EEPD1: variants seen among roughly 807,000 people sequenced by gnomAD.
EEPD1 encodes endonuclease/exonuclease/phosphatase family domain-containing protein 1.
Under a neutral mutation model 46.3 loss-of-function variants are expected in EEPD1, and 17 were observed. The observed-to-expected ratio is 0.37, with a 90% CI of 0.25 to 0.55. The LOEUF is 0.55. Among genes scored for constraint, EEPD1 ranks in the 20% least tolerant of loss-of-function variants. The pLI, the probability that EEPD1 is intolerant of heterozygous loss-of-function variation, is 0.83. For synonymous variants in EEPD1, 313 were observed against 315.6 expected, an observed-to-expected ratio of 0.99 and a Z score of 0.09; for missense variants, 673 against 745.6, an observed-to-expected ratio of 0.90 and a Z score of 1.13.
At chr7:36,196,370 C>T (rs1785584445) in intron 2 of EEPD1, among the ~76,000 whole-genome samples, 1 of 151,912 alleles carries the variant, frequency 6.6e-6, no homozygotes, top group African/African-American at 2.4e-5. Flanking sequence ...AATCTTTCAG[C>T]TCGTCTCCCG....
In EEPD1 at chr7:36,269,305, GA is replaced by G. The variant is rs367699552; in HGVS notation, c.931-11803del. Among the ~76,000 whole-genome samples the G allele has an allele frequency of 1.4e-4, 21 of 152,202 alleles. No individual in the cohort carries two copies. The East Asian group carries it at 3.7e-3, about 27-fold the overall frequency. On this transcript the variant is annotated intron_variant, in intron 3 of 7. Transcript: ENST00000242108. The stretch of plus-strand genomic sequence containing the variant: ...AGGTGAGGACTATTTGTCTTCAGAT[GA>G]AAAAAACTAAGCTATTTATGAAGAC...
At chr7:36,291,833 C>G (rs1787445479) in intron 6 of EEPD1, among the ~76,000 whole-genome samples, 1 of 152,216 alleles carries the variant, frequency 6.6e-6, no homozygotes, top group Admixed American at 6.5e-5. Flanking sequence ...AATGCCACCT[C>G]CTGCTGTGGG....
chr7:36,286,668 C>G (rs1052774082), intron 5 of EEPD1, among the ~76,000 whole-genome samples: 1 of 152,208 alleles, frequency 6.6e-6, no homozygotes, highest in African/African-American at 2.4e-5. Context: ...AAGTCAGCAT[C>G]TGGCTATAGT....
At chr7:36,221,623 C>T (rs772217111) in intron 2 of EEPD1, among the ~76,000 whole-genome samples, 3 of 152,054 alleles carry the variant, frequency 2.0e-5, no homozygotes, top group Admixed American at 6.6e-5. Flanking sequence ...TCATTTAGAT[C>T]CTGTTTTTTT....
At position 36,242,811 on chromosome 7, in the gene EEPD1, C is replaced by T. The variant is rs116312163; in HGVS notation, c.930+3775C>T. On this transcript the variant is annotated intron_variant, in intron 3 of 7. Coordinates refer to ENST00000242108, the MANE Select transcript of EEPD1 (RefSeq NM_030636.3). The stretch of plus-strand genomic sequence containing the variant: ...AAGCCAGGTGTGGTGGCAGGTGCCT[C>T]CCAGCTAATCAGGAGGCTGAGGCAG... 5.6e-3 allele frequency among the ~76,000 whole-genome samples: 844 copies of T among 151,188 alleles called. 5 individuals carry two copies. Among genetic ancestry groups the T allele is most frequent in the African/African-American group, 0.02 (803 of 41,166 alleles).
At chr7:36,228,893 T>A (rs1786273421) in intron 2 of EEPD1, 1 of 152,256 alleles carries the variant, frequency 6.6e-6, no homozygotes. Flanking sequence ...TTAATAGGTT[T>A]GTCACAGAGA....
chr7:36,298,821 A>T lies in EEPD1; in HGVS notation c.1511-186A>T, dbSNP rs1173889115. 2.0e-5 allele frequency among the ~76,000 whole-genome samples: 3 copies of T among 152,334 alleles called. No homozygotes were observed. In the East Asian group the frequency reaches 5.8e-4, roughly 29 times the overall value. Reference sequence around the variant, plus strand: ...GCAGAAACTCTCCTTTATGTGGAAAATCAAACTGGCCGAGACCTTTAATAT... The same window carrying T: ...GCAGAAACTCTCCTTTATGTGGAAATTCAAACTGGCCGAGACCTTTAATAT... On this transcript the variant is annotated intron_variant, in intron 7 of 7. Coordinates refer to ENST00000242108, the MANE Select transcript of EEPD1 (RefSeq NM_030636.3).
At chr7:36,267,719 C>T (rs919452579) in intron 3 of EEPD1, among the ~76,000 whole-genome samples, 3 of 152,132 alleles carry the variant, frequency 2.0e-5, no homozygotes, top group African/African-American at 7.2e-5. Flanking sequence ...ATTTTACTCC[C>T]CATTATAGCT....
intron 2 of EEPD1, among the ~76,000 whole-genome samples, chr7:36,160,194 C>T (rs1023390692): frequency 2.0e-5 from 3 of 152,198 alleles, no homozygotes; most frequent in Non-Finnish European, 2.9e-5. Context: ...TTGGAGCTCT[C>T]ACTAGGTACC....
At chr7:36,165,867 A>G (rs562625116) in intron 2 of EEPD1, among the ~76,000 whole-genome samples, 1 of 152,194 alleles carries the variant, frequency 6.6e-6, no homozygotes, top group Non-Finnish European at 1.5e-5. Context: ...CCCCTAAAAA[A>G]GTCTCCTGCA....
At chr7:36,298,237 TA>T (rs1787556824) in intron 7 of EEPD1, among the ~76,000 whole-genome samples, 1 of 152,198 alleles carries the variant, frequency 6.6e-6, no homozygotes, top group Admixed American at 6.5e-5. Flanking sequence ...GGAAGGTGTC[TA>T]TTGAAGGAAG....
chr7:36,298,734 T>C (rs557585929), intron 7 of EEPD1, among the ~76,000 whole-genome samples: 3 of 152,352 alleles, frequency 2.0e-5, no homozygotes, highest in South Asian at 2.1e-4. Context: ...GGTCAGCCCA[T>C]GTGCCCATGT....
At chr7:36,276,445 G>C (rs1210331640) in intron 3 of EEPD1, among the ~76,000 whole-genome samples, 1 of 152,162 alleles carries the variant, frequency 6.6e-6, no homozygotes, top group African/African-American at 2.4e-5. Context: ...ATTCCACTGA[G>C]TCATTCATTC....
intron 2 of EEPD1, among the ~76,000 whole-genome samples, chr7:36,172,136 T>A (rs1785096063): frequency 6.6e-6 from 1 of 152,208 alleles, no homozygotes; most frequent in Admixed American, 6.5e-5. Flanking sequence ...CTGGTTTTTG[T>A]CCACGATTCC....
chr7:36,160,673 T>TGGGGGGGGGGGGGGGGGGG (rs1784887995), intron 2 of EEPD1, among the ~76,000 whole-genome samples: 1 of 39,598 alleles, frequency 2.5e-5, no homozygotes, highest in African/African-American at 9.1e-5. Context: ...TGCTGGGAGG[T>TGGGGGGGGGGGGGGGGGGG]GGTGGGGGGC....
At chr7:36,164,371 G>A (rs143167114) in intron 2 of EEPD1, among the ~76,000 whole-genome samples, 6 of 152,312 alleles carry the variant, frequency 3.9e-5, no homozygotes, top group African/African-American at 1.4e-4. Context: ...AGGCACAGTT[G>A]ACTCTCTGGT....
At chr7:36,209,313 A>T (rs919139040) in intron 2 of EEPD1, among the ~76,000 whole-genome samples, 1 of 152,220 alleles carries the variant, frequency 6.6e-6, no homozygotes, top group Non-Finnish European at 1.5e-5. Flanking sequence ...AAAAACAAAA[A>T]CAAAAAAAGT....
intron 2 of EEPD1, among the ~76,000 whole-genome samples, chr7:36,158,347 A>C (rs1448088423): frequency 6.6e-6 from 1 of 150,856 alleles, no homozygotes; most frequent in East Asian, 1.9e-4. Context: ...ATTGTGAGCC[A>C]GTCACAGTGT....
Position 36,236,212 on chromosome 7 carries a change from C to T in EEPD1, c.879-2773C>T, listed in dbSNP as rs148374167. 1.4e-4 allele frequency among the ~76,000 whole-genome samples: 22 copies of T among 152,340 alleles called. No individual in the cohort carries two copies. In the East Asian group the frequency reaches 3.9e-3, roughly 27 times the overall value. The stretch of plus-strand genomic sequence containing the variant: ...GGCCGCGCTCAAGGAGCCCTTCAGC[C>T]GGCGGCTGCGCTGTGAGGGCCCCTC... On this transcript the variant is annotated intron_variant, in intron 2 of 7. Transcript: ENST00000242108.
Sources: allele counts gnomAD v4.1 joint callset (sites outside exome capture counted in the v4.1 genomes callset), GRCh38; gene constraint gnomAD v4.1.1; transcripts MANE v1.5; gene names NCBI Gene and HGNC (gene_info 2026-07-23, HGNC 2026-07-21).